WWOX: variants seen among roughly 807,000 people sequenced by gnomAD.
WWOX encodes WW domain-containing oxidoreductase.
WWOX carries 69 observed loss-of-function variants against 46.2 expected under a neutral mutation model. That is an observed-to-expected ratio of 1.49 (90% CI 1.23 to 1.82). The LOEUF is 1.82. Ranked by LOEUF, WWOX falls within the 40% of genes most tolerant of loss-of-function variation. The pLI is 0.00. For synonymous variants in WWOX, 359 were observed against 202.6 expected (o/e 1.77, Z -6.56); for missense variants, 919 against 542.6 (o/e 1.69, Z -6.89).
intron 8 of WWOX, among the ~76,000 whole-genome samples, chr16:78,788,732 A>AG (rs569786272): frequency 1.3e-3 from 203 of 152,198 alleles, no homozygotes; most frequent in South Asian, 5.4e-3. Context: ...AAACCCAAAG[A>AG]GGGGGTTATG....
chr16:78,294,593 A>C (rs748876249), intron 5 of WWOX, among the ~76,000 whole-genome samples: 4 of 152,090 alleles, frequency 2.6e-5, no homozygotes, highest in Non-Finnish European at 5.9e-5. Flanking sequence ...TTGTGTGTGT[A>C]TGTATGTCCC....
intron 8 of WWOX, among the ~76,000 whole-genome samples, chr16:79,000,020 A>G (rs1009864767): frequency 1.3e-5 from 2 of 152,142 alleles, no homozygotes; most frequent in Non-Finnish European, 2.9e-5. Flanking sequence ...AGTAAAACGC[A>G]GTATCTTCTT....
chr16:78,143,239 T>G (rs1225285362), intron 4 of WWOX, among the ~76,000 whole-genome samples: 3 of 152,258 alleles, frequency 2.0e-5, no homozygotes, highest in Non-Finnish European at 2.9e-5. Flanking sequence ...GTAAATTGTC[T>G]AAAATTAAAT....
intron 8 of WWOX, among the ~76,000 whole-genome samples, chr16:78,876,305 G>C (rs1242832048): frequency 6.6e-6 from 1 of 151,300 alleles, no homozygotes; most frequent in Non-Finnish European, 1.5e-5. Flanking sequence ...CTAAGTGATG[G>C]CTGCTTATGG....
At position 78,795,127 on chromosome 16, in the gene WWOX, A is replaced by T. The variant is rs76351909; in HGVS notation, c.1056+362375A>T. Among the ~76,000 whole-genome samples, 4 of 152,238 alleles carry T rather than the reference A, an allele frequency of 2.6e-5. No homozygotes were observed. In the South Asian group the frequency reaches 8.3e-4, roughly 32 times the overall value. ...GGTGGTGGAGGAGGTGATGGTGATG[A>T]TATTGATAATGACAGCAAGAATGTC... On this transcript the variant is annotated intron_variant, in intron 8 of 8. Coordinates refer to ENST00000566780, the MANE Select transcript of WWOX (RefSeq NM_016373.4).
chr16:78,894,575 G>C (rs1222630600), intron 8 of WWOX, among the ~76,000 whole-genome samples: 4 of 152,132 alleles, frequency 2.6e-5, no homozygotes, highest in Non-Finnish European at 5.9e-5. Context: ...AACTGGAGAT[G>C]GTTGTCTTCT....
At chr16:78,958,884 A>C (rs1244279249) in intron 8 of WWOX, among the ~76,000 whole-genome samples, 2 of 152,198 alleles carry the variant, frequency 1.3e-5, no homozygotes, top group Non-Finnish European at 2.9e-5. Flanking sequence ...TGTTTGTTGC[A>C]TTCAACTCCA....
intron 8 of WWOX, among the ~76,000 whole-genome samples, chr16:78,977,030 G>A (rs750155756): frequency 6.6e-6 from 1 of 152,072 alleles, no homozygotes; most frequent in Non-Finnish European, 1.5e-5. Flanking sequence ...CCCTGGCCTG[G>A]GACAATCAGG....
chr16:79,012,880 A>G (rs2047339894), intron 8 of WWOX, among the ~76,000 whole-genome samples: 1 of 152,180 alleles, frequency 6.6e-6, no homozygotes, highest in Non-Finnish European at 1.5e-5. Flanking sequence ...CTGGCTGAAG[A>G]AAGGCATCAC....
At chr16:78,123,647 G>T (rs1362607666) in intron 4 of WWOX, 1 of 150,858 alleles carries the variant, frequency 6.6e-6, no homozygotes, top group Non-Finnish European at 1.5e-5. Flanking sequence ...TAGTAGAGAT[G>T]GGGTTTCACC....
At chr16:79,136,224 G>C (rs1597406655) in intron 8 of WWOX, among the ~76,000 whole-genome samples, 1 of 151,252 alleles carries the variant, frequency 6.6e-6, no homozygotes, top group South Asian at 2.1e-4. Context: ...GCATACTGAT[G>C]TCACTTCTTC....
intron 8 of WWOX, among the ~76,000 whole-genome samples, chr16:78,439,128 G>A (rs1282257940): frequency 6.6e-6 from 1 of 152,128 alleles, no homozygotes; most frequent in African/African-American, 2.4e-5. Flanking sequence ...TTGGTACATT[G>A]GTGTATCACA....
At chr16:78,193,899 A>G (rs1280236986) in intron 5 of WWOX, among the ~76,000 whole-genome samples, 1 of 147,852 alleles carries the variant, frequency 6.8e-6, no homozygotes, top group Non-Finnish European at 1.5e-5. Flanking sequence ...ATTTTTTGAG[A>G]CGGACTCTCG....
At chr16:78,417,040 G>T (rs113486338) in intron 6 of WWOX, among the ~76,000 whole-genome samples, 3 of 151,264 alleles carry the variant, frequency 2.0e-5, no homozygotes, top group African/African-American at 7.3e-5. Context: ...ACCCTTTGGG[G>T]GTGTGTGTGT....
intron 8 of WWOX, among the ~76,000 whole-genome samples, chr16:78,798,820 G>A (rs1299769488): frequency 6.6e-6 from 1 of 152,146 alleles, no homozygotes; most frequent in African/African-American, 2.4e-5. Flanking sequence ...AGACTTAGAA[G>A]CTAATGTTCC....
chr16:78,212,272 G>T (rs1210385640), intron 5 of WWOX, among the ~76,000 whole-genome samples: 1 of 152,234 alleles, frequency 6.6e-6, no homozygotes, highest in African/African-American at 2.4e-5. Context: ...TGAGGGCAGA[G>T]GCTGATCAAT....
intron 8 of WWOX, among the ~76,000 whole-genome samples, chr16:79,151,597 T>C (rs184865539): frequency 2.0e-5 from 3 of 152,362 alleles, no homozygotes; most frequent in Non-Finnish European, 2.9e-5. Flanking sequence ...CCTCTGCTTA[T>C]GGGCTGCATG....
intron 8 of WWOX, among the ~76,000 whole-genome samples, chr16:78,886,816 C>G (rs2151221787): frequency 6.6e-6 from 1 of 152,112 alleles, no homozygotes; most frequent in African/African-American, 2.4e-5. Context: ...TGGTAAAAAG[C>G]TTATTCAGAG....
chr16:78,322,426 C>A (rs1021816722), intron 5 of WWOX, among the ~76,000 whole-genome samples: 17 of 152,126 alleles, frequency 1.1e-4, no homozygotes, highest in African/African-American at 3.6e-4. Flanking sequence ...TCGTGATCGC[C>A]AGGATCAGGC....
Sources: allele counts gnomAD v4.1 joint callset (sites outside exome capture counted in the v4.1 genomes callset), GRCh38; gene constraint gnomAD v4.1.1; transcripts MANE v1.5; gene names NCBI Gene and HGNC (gene_info 2026-07-23, HGNC 2026-07-21).